Variants in PLEKHG1 observed in about 807,000 individuals in gnomAD.
PLEKHG1 encodes the protein pleckstrin homology domain-containing family G member 1.
PLEKHG1 carries 44 observed loss-of-function variants against 100.8 expected under a neutral mutation model. The ratio of observed to expected loss-of-function variants is 0.44; its 90% CI spans 0.34 to 0.56. The LOEUF is 0.56. Among genes scored for constraint, PLEKHG1 ranks in the 20% least tolerant of loss-of-function variants. PLEKHG1 has a pLI of 0.01. For synonymous variants in PLEKHG1, 640 were observed against 662.5 expected, an observed-to-expected ratio of 0.97 and a Z score of 0.52; for missense variants, 1,545 against 1,720.9, an observed-to-expected ratio of 0.90 and a Z score of 1.81.
At chr6:150,824,485 A>G (rs971018495) in intron 14 of PLEKHG1, among the ~76,000 whole-genome samples, 1 of 151,944 alleles carries the variant, frequency 6.6e-6, no homozygotes, top group African/African-American at 2.4e-5. Context: ...GTATCTTTCC[A>G]TTAAAACCAA....
intron 3 of PLEKHG1, among the ~76,000 whole-genome samples, chr6:150,776,762 T>C (rs1405094644): frequency 6.7e-6 from 1 of 149,676 alleles, no homozygotes. Flanking sequence ...TGCACATTAC[T>C]CACACTGATG....
intron 3 of PLEKHG1, among the ~76,000 whole-genome samples, chr6:150,698,669 A>G (rs924286369): frequency 6.6e-6 from 1 of 152,196 alleles, no homozygotes; most frequent in African/African-American, 2.4e-5. Context: ...ACGATACATA[A>G]AGTTCTAAAG....
At chr6:150,720,581 C>T (rs1305157556), upstream of PLEKHG1, among the ~76,000 whole-genome samples, 3 of 152,164 alleles carry the variant, frequency 2.0e-5, no homozygotes, top group African/African-American at 4.8e-5. Context: ...AACTAATTAT[C>T]CAAACTGCCT....
intron 3 of PLEKHG1, among the ~76,000 whole-genome samples, chr6:150,659,812 G>A (rs1010549307): frequency 6.6e-6 from 1 of 152,080 alleles, no homozygotes; most frequent in Non-Finnish European, 1.5e-5. Context: ...CTTCAAATAC[G>A]TACTTGGTTG....
chr6:150,628,247 T>C (rs1049148568), intron 1 of PLEKHG1, among the ~76,000 whole-genome samples: 3 of 152,184 alleles, frequency 2.0e-5, no homozygotes, highest in African/African-American at 7.2e-5. Flanking sequence ...TCCAGAGCTT[T>C]GAAATGTTAT....
intron 1 of PLEKHG1, among the ~76,000 whole-genome samples, chr6:150,620,566 G>A (rs757609931): frequency 6.6e-6 from 1 of 152,196 alleles, no homozygotes; most frequent in Non-Finnish European, 1.5e-5. Flanking sequence ...GGTAAACAGA[G>A]CCAATTGTGT....
chr6:150,842,251 A>G (rs1777558117), exon 16 of PLEKHG1: 1 of 152,240 alleles, frequency 6.6e-6, no homozygotes, highest in South Asian at 2.1e-4. Flanking sequence ...TGCTTTCTCA[A>G]GCGGTGGCCT....
At chr6:150,736,226 CT>C (rs1424818172) in intron 2 of PLEKHG1, among the ~76,000 whole-genome samples, 3 of 152,214 alleles carry the variant, frequency 2.0e-5, no homozygotes, top group Admixed American at 6.5e-5. Flanking sequence ...TTGCTCACCC[CT>C]GTCTTAGGCT....
chr6:150,622,093 G>T (rs1481166871), intron 1 of PLEKHG1, among the ~76,000 whole-genome samples: 1 of 152,020 alleles, frequency 6.6e-6, no homozygotes, highest in Non-Finnish European at 1.5e-5. Context: ...GCTTGGTTGT[G>T]CCAGCCAACA....
At chr6:150,826,283 C>T (rs1187521818) in intron 14 of PLEKHG1, among the ~76,000 whole-genome samples, 1 of 152,074 alleles carries the variant, frequency 6.6e-6, no homozygotes, top group Non-Finnish European at 1.5e-5. Flanking sequence ...CACAGTGAAA[C>T]CCCGTCTCTA....
At chr6:150,700,680 G>A (rs771594219) in intron 3 of PLEKHG1, among the ~76,000 whole-genome samples, 3 of 152,176 alleles carry the variant, frequency 2.0e-5, no homozygotes, top group Non-Finnish European at 4.4e-5. Context: ...TAACCGCCTG[G>A]GTTCAAATTC....
intron 1 of PLEKHG1, among the ~76,000 whole-genome samples, chr6:150,628,575 C>CACACACACACACA (rs754227842): frequency 1.5e-5 from 2 of 137,370 alleles, no homozygotes; most frequent in African/African-American, 5.3e-5. Flanking sequence ...CACACACACA[C>CACACACACACACA]ACCCCGTCCT....
intron 10 of PLEKHG1, among the ~76,000 whole-genome samples, chr6:150,813,275 G>A (rs889658466): frequency 1.3e-5 from 2 of 149,826 alleles, no homozygotes; most frequent in African/African-American, 2.5e-5. Context: ...ACTGCACTAC[G>A]GCCTGGGCGA....
chr6:150,807,667 A>G (rs1161782290), intron 7 of PLEKHG1, among the ~76,000 whole-genome samples: 1 of 152,170 alleles, frequency 6.6e-6, no homozygotes, highest in African/African-American at 2.4e-5. Context: ...ACAAAACTTT[A>G]CTTAGAGAGA....
At chr6:150,632,698 G>A (rs1777814989) in intron 1 of PLEKHG1, among the ~76,000 whole-genome samples, 1 of 152,238 alleles carries the variant, frequency 6.6e-6, no homozygotes, top group Non-Finnish European at 1.5e-5. Context: ...TCTTACATGG[G>A]CAGTCTTGGT....
intron 3 of PLEKHG1, among the ~76,000 whole-genome samples, chr6:150,711,132 G>T (rs1185445691): frequency 1.3e-5 from 2 of 152,184 alleles, no homozygotes; most frequent in Admixed American, 1.3e-4. Flanking sequence ...TTAATAGTAA[G>T]TTGGCATGAG....
At chr6:150,737,835 AC>A (rs1350750777) in intron 2 of PLEKHG1, among the ~76,000 whole-genome samples, 1 of 151,318 alleles carries the variant, frequency 6.6e-6, no homozygotes, top group Non-Finnish European at 1.5e-5. Context: ...TAAGCATCTC[AC>A]CCTATCACCC....
At chr6:150,723,736 G>C (rs1348797776) in intron 1 of PLEKHG1, among the ~76,000 whole-genome samples, 3 of 152,104 alleles carry the variant, frequency 2.0e-5, no homozygotes, top group Admixed American at 2.0e-4. Context: ...GACTGTTTGG[G>C]TTCTCTCTTA....
exon 16 of PLEKHG1, chr6:150,841,004 C>A: frequency 1.1e-6 from 1 of 871,882 alleles, no homozygotes; most frequent in Non-Finnish European, 1.9e-6. Context: ...TTTGTAAGAA[C>A]CAGAGGTGTA....
Sources: gnomAD v4.1 joint callset for allele counts (sites outside exome capture counted in the v4.1 genomes callset) on GRCh38, gnomAD v4.1.1 for gene constraint, MANE v1.5 for transcripts, NCBI Gene and HGNC (gene_info 2026-07-23, HGNC 2026-07-21) for gene names.